PLN: variants seen among roughly 807,000 people sequenced by gnomAD.
The protein encoded by PLN is phospholamban.
A neutral mutation model predicts 3.9 loss-of-function variants in PLN; 1 was observed. The ratio of observed to expected loss-of-function variants is 0.26; its 90% CI spans 0.09 to 1.23. The LOEUF (loss-of-function observed/expected upper bound fraction) is 1.23, where lower values mean the gene tolerates loss of function less well. Among genes scored for constraint, PLN ranks in the 50% most tolerant of loss-of-function variants. The pLI is 0.48. For synonymous variants in PLN, 21 were observed against 20.5 expected, an observed-to-expected ratio of 1.02 and a Z score of -0.07; for missense variants, 59 against 62.7, an observed-to-expected ratio of 0.94 and a Z score of 0.20.
chr6:118,550,868 A>T (rs1032033153), intron 1 of PLN, among the ~76,000 whole-genome samples: 9 of 151,918 alleles, frequency 5.9e-5, no homozygotes, highest in Non-Finnish European at 1.2e-4. Context: ...TTACATTCTT[A>T]ATAGTCTAAA....
chr6:118,556,123 G>A (rs1001655702), intron 1 of PLN, among the ~76,000 whole-genome samples: 2 of 152,198 alleles, frequency 1.3e-5, no homozygotes, highest in African/African-American at 4.8e-5. Context: ...ATGGGTGTAT[G>A]TCTTTACGGC....
rs1779146005 is a variant in PLN, at chr6:118,560,257, A to G, written c.*1177A>G. ...TTAACTACCTAATAGCCTACTATTG[A>G]CCATAAACCTTACTGATAACATAAA... On this transcript the variant is annotated 3_prime_UTR_variant, in exon 2 of 2. Transcript: ENST00000357525. 6.0e-6 allele frequency: 1 copy of G among 167,082 alleles called. No individual in the cohort carries two copies. The highest frequency in any genetic ancestry group is 2.4e-5 in the African/African-American group (1 of 41,458). 10.3% of individuals were successfully genotyped at this position (167,082 alleles called of 1,614,324 possible).
At chr6:118,557,965 C>CT (rs112347844) in intron 1 of PLN, among the ~76,000 whole-genome samples, 2,241 of 140,870 alleles carry the variant, frequency 0.016, 41 homozygotes, top group African/African-American at 0.047. Flanking sequence ...TCTTTGTTGG[C>CT]TTTTTTTTTT....
Position 118,552,926 on chromosome 6 carries a change from G to A in PLN, c.-98+4534G>A, listed in dbSNP as rs532200533. 8.6e-5 allele frequency among the ~76,000 whole-genome samples: 13 copies of A among 151,962 alleles called. No individual in the cohort carries two copies. In the South Asian group the frequency reaches 2.7e-3, roughly 32 times the overall value. The stretch of plus-strand genomic sequence containing the variant: ...CATGTTTTCAATACTCTTGATTCTA[G>A]GGCCTAGAAGACAATTTGATTTTAA... On this transcript the variant is annotated intron_variant, in intron 1 of 1. Coordinates refer to ENST00000357525, the MANE Select transcript of PLN (RefSeq NM_002667.5).
intron 1 of PLN, among the ~76,000 whole-genome samples, chr6:118,555,092 A>G (rs569736580): frequency 2.6e-5 from 4 of 152,312 alleles, no homozygotes; most frequent in African/African-American, 9.6e-5. Context: ...ACCAAGTCTA[A>G]TTATTATTCC....
chr6:118,555,999 G>A (rs1304828121), intron 1 of PLN, among the ~76,000 whole-genome samples: 1 of 152,160 alleles, frequency 6.6e-6, no homozygotes, highest in Non-Finnish European at 1.5e-5. Flanking sequence ...TTTTATGGCT[G>A]CATAGTATTG....
In PLN at chr6:118,556,978, TG is replaced by T. The variant is rs535463793; in HGVS notation, c.-97-1846del. ...AGGCAGCAATAGCTTGTGGGATCTCTGAAAGAAGGCATGATGGAAACTACTA... is the reference window on the plus strand; with the variant it reads ...AGGCAGCAATAGCTTGTGGGATCTCTAAAGAAGGCATGATGGAAACTACTA... On this transcript the variant is annotated intron_variant, in intron 1 of 1. Coordinates refer to ENST00000357525, the MANE Select transcript of PLN (RefSeq NM_002667.5). Among the ~76,000 whole-genome samples the T allele has an allele frequency of 1.6e-3, 240 of 152,284 alleles. 1 individual carries two copies. Among genetic ancestry groups the T allele is most frequent in the African/African-American group, 5.5e-3 (228 of 41,556 alleles).
In PLN at chr6:118,559,583, T is replaced by G. The variant is rs1246517315; in HGVS notation, c.*503T>G. ...AAATAGTCCACTGACTCCTCACATCTGTTATCTTATTATAAAGAACTATTT... is the reference window on the plus strand; with the variant it reads ...AAATAGTCCACTGACTCCTCACATCGGTTATCTTATTATAAAGAACTATTT... On this transcript the variant is annotated 3_prime_UTR_variant, in exon 2 of 2. Coordinates refer to ENST00000357525, the MANE Select transcript of PLN (RefSeq NM_002667.5). 1 of 177,538 alleles carries G rather than the reference T, an allele frequency of 5.6e-6. No homozygotes were observed. The highest frequency in any genetic ancestry group is 2.4e-5 in the African/African-American group (1 of 41,510). 11.0% of individuals were successfully genotyped at this position (177,538 alleles called of 1,614,324 possible). A position where few individuals can be genotyped will look rare whatever the true frequency, so the allele number is the denominator to read the frequency against.
At position 118,555,920 on chromosome 6, in the gene PLN, T is replaced by C. The variant is rs566102621; in HGVS notation, c.-97-2905T>C. Among the ~76,000 whole-genome samples the C allele has an allele frequency of 2.0e-5, 3 of 152,128 alleles. No individual in the cohort carries two copies. In the South Asian group the frequency reaches 6.2e-4, roughly 31 times the overall value. On this transcript the variant is annotated intron_variant, in intron 1 of 1. Transcript: ENST00000357525. ...TGTGGTATTTGGTTTTCTTTTCCTA[T>C]GTTAGTTTGCTAGGGATAATGACCT...
At chr6:118,556,039 T>C (rs945397748) in intron 1 of PLN, among the ~76,000 whole-genome samples, 15 of 152,238 alleles carry the variant, frequency 9.9e-5, no homozygotes, top group Admixed American at 9.2e-4. Context: ...ATTTTCTTTA[T>C]CCAGTCTGTC....
At position 118,559,007 on chromosome 6, in the gene PLN, A is replaced by C; in HGVS notation, c.86A>C (p.Gln29Pro). The change falls in exon 2 of 2, where the codon CAG (glutamine) becomes CCG (proline). Residue 29 changes from glutamine to proline, a missense_variant. By Grantham distance (76) the Gln-to-Pro change is moderately conservative. Transcript: ENST00000357525. The stretch of plus-strand genomic sequence containing the variant: ...CCTCAACAAGCACGTCAAAAGCTAC[A>C]GAATCTATTTATCAATTTCTGTCTC... ...EMPQQARQKL[Q>P]NLFINFCLIL... 1 of 1,610,180 alleles carries C rather than the reference A, an allele frequency of 6.2e-7. No individual in the cohort carries two copies. Among genetic ancestry groups the C allele is most frequent in the Non-Finnish European group, 8.5e-7 (1 of 1,176,392 alleles).
chr6:118,552,275 A>C (rs568282020), intron 1 of PLN, among the ~76,000 whole-genome samples: 1 of 152,112 alleles, frequency 6.6e-6, no homozygotes, highest in African/African-American at 2.4e-5. Context: ...TTATTTCAGC[A>C]AAAGGAATAC....
rs1413899914 is a variant in PLN, at chr6:118,561,147, G to A, written c.*2067G>A. Among the ~76,000 whole-genome samples, 1 of 152,154 alleles carries A rather than the reference G, an allele frequency of 6.6e-6. No homozygotes were observed. Among genetic ancestry groups the A allele is most frequent in the African/African-American group, 2.4e-5 (1 of 41,452 alleles). On this transcript the variant is annotated 3_prime_UTR_variant, in exon 2 of 2. Coordinates refer to ENST00000357525, the MANE Select transcript of PLN (RefSeq NM_002667.5). ...TCAGGGATATCTGAAGAACAGAAGGGCAGAGATTTCTTAAGTGACGCCTCA... is the reference window on the plus strand; with the variant it reads ...TCAGGGATATCTGAAGAACAGAAGGACAGAGATTTCTTAAGTGACGCCTCA...
chr6:118,557,054 T>C (rs983279860), intron 1 of PLN, among the ~76,000 whole-genome samples: 24 of 152,182 alleles, frequency 1.6e-4, no homozygotes, highest in African/African-American at 5.1e-4. Context: ...AGTGAGATAA[T>C]AATAATTACT....
intron 1 of PLN, among the ~76,000 whole-genome samples, chr6:118,549,947 T>C (rs777084162): frequency 6.6e-6 from 1 of 151,908 alleles, no homozygotes; most frequent in Non-Finnish European, 1.5e-5. Flanking sequence ...AATGTGGTAG[T>C]ACCATACATT....
At chr6:118,557,418 G>C (rs764638719) in intron 1 of PLN, among the ~76,000 whole-genome samples, 2 of 152,158 alleles carry the variant, frequency 1.3e-5, no homozygotes, top group Non-Finnish European at 2.9e-5. Context: ...AATACAGCAG[G>C]TCCTCAAATA....
At position 118,560,025 on chromosome 6, in the gene PLN, A is replaced by G. The variant is rs1446041608; in HGVS notation, c.*945A>G. ...GTCTTCCATTCCAGCCTAACATCCA[A>G]TGCAGGCAAGGAAAATAAAAGATTT... On this transcript the variant is annotated 3_prime_UTR_variant, in exon 2 of 2. Transcript: ENST00000357525. 1 of 167,108 alleles carries G rather than the reference A, an allele frequency of 6.0e-6. No individual in the cohort carries two copies. The highest frequency in any genetic ancestry group is 1.5e-5 in the Non-Finnish European group (1 of 68,118). The allele number at this position is 167,108 out of a possible 1,614,324, so 10.4% of individuals were successfully genotyped here. A position where few individuals can be genotyped will look rare whatever the true frequency, so the allele number is the denominator to read the frequency against.
At chr6:118,554,408 A>C (rs954916986) in intron 1 of PLN, among the ~76,000 whole-genome samples, 3 of 152,160 alleles carry the variant, frequency 2.0e-5, no homozygotes, top group Admixed American at 6.5e-5. Flanking sequence ...AGGCCTTCCA[A>C]AGTGTTGGAA....
intron 1 of PLN, among the ~76,000 whole-genome samples, chr6:118,558,145 T>G (rs1451760248): frequency 8.5e-5 from 13 of 152,074 alleles, no homozygotes; most frequent in Non-Finnish European, 1.9e-4. Context: ...GAGACAGGGT[T>G]TCACCATGTT....
Sources: gnomAD v4.1 joint callset for allele counts (sites outside exome capture counted in the v4.1 genomes callset) on GRCh38, gnomAD v4.1.1 for gene constraint, MANE v1.5 for transcripts, NCBI Gene and HGNC (gene_info 2026-07-23, HGNC 2026-07-21) for gene names.